TARBP2: variants seen among roughly 807,000 people sequenced by gnomAD.
TARBP2 encodes the protein RISC-loading complex subunit TARBP2.
Under a neutral mutation model 40.4 loss-of-function variants are expected in TARBP2, and 23 were observed. The observed-to-expected ratio is 0.57, with a 90% CI of 0.41 to 0.81. The LOEUF is 0.81. TARBP2 is among the 30% of genes least tolerant of loss of function. The probability of loss-of-function intolerance (pLI) is 0.00; values close to 1 mark genes in which losing one functional copy is unlikely to be tolerated. For synonymous variants in TARBP2, 183 were observed against 190.5 expected (o/e 0.96, Z 0.32); for missense variants, 358 against 473.7 (o/e 0.76, Z 2.27).
In TARBP2 at chr12:53,502,021, G is replaced by T. The variant is rs776121643; in HGVS notation, c.60G>T (p.Glu20Asp). The T allele has an allele frequency of 5.0e-6, 8 of 1,614,054 alleles. No homozygotes were observed. In the Admixed American group the frequency reaches 1.2e-4, roughly 24 times the overall value. Residue 20 changes from glutamate to aspartate, a missense_variant, in exon 2 of 9, where the codon GAG becomes GAT. Around this residue, in one of 3 missense-constraint regions of TARBP2, gnomAD observed 9 missense variants for 29.1 expected, o/e 0.31. Coordinates refer to ENST00000266987, the MANE Select transcript of TARBP2 (RefSeq NM_134323.2). ...TTTGCGLPSIEQMLAANPGKT... is the reference protein window; with the variant it reads ...TTTGCGLPSIDQMLAANPGKT... The stretch of plus-strand genomic sequence containing the variant: ...TCTGTGCCCCTTCCCCCAGTATAGA[G>T]CAAATGCTGGCCGCCAACCCAGGCA...
At position 53,502,142 on chromosome 12, in the gene TARBP2, A is replaced by T; in HGVS notation, c.181A>T (p.Asn61Tyr). Residue 61 changes from asparagine to tyrosine, a missense_variant, in exon 2 of 9, where the codon AAT becomes TAT. Asn to Tyr is a moderately radical substitution (Grantham distance 143). Around this residue, in one of 3 missense-constraint regions of TARBP2, gnomAD observed 317 missense variants for 422.9 expected, o/e 0.75. Transcript: ENST00000266987. Reference sequence around the variant, plus strand: ...AGCCGAGGGCCAAGCCCACCAGCCTAATTTCACCTTCCGGGTCACCGTTGG... The same window carrying T: ...AGCCGAGGGCCAAGCCCACCAGCCTTATTTCACCTTCCGGGTCACCGTTGG... The part of the protein sequence containing the change: ...LKAEGQAHQP[N>Y]FTFRVTVGDT... The T allele has an allele frequency of 6.2e-7, 1 of 1,614,174 alleles. No homozygotes were observed. Among genetic ancestry groups the T allele is most frequent in the Non-Finnish European group, 8.5e-7 (1 of 1,180,034 alleles).
rs950578148 is a variant in TARBP2, at chr12:53,505,416, G to A, written c.741+154G>A. Among the ~76,000 whole-genome samples, 4 of 152,144 alleles carry A rather than the reference G, an allele frequency of 2.6e-5. No individual in the cohort carries two copies. Among genetic ancestry groups the A allele is most frequent in the African/African-American group, 7.2e-5 (3 of 41,424 alleles). ...TACCAGACCCAGGGTTCCTGGGGCC[G>A]ACTCAGCCTTGACTGTAGGCCCGCT... On this transcript the variant is annotated intron_variant, in intron 7 of 8. Coordinates refer to ENST00000266987, the MANE Select transcript of TARBP2 (RefSeq NM_134323.2). This position sits in a 1 kb window ranked among gnomAD's most constrained non-coding sequence, Gnocchi z 4.5.
chr12:53,504,400 C>G lies in TARBP2; in HGVS notation c.426C>G (p.Ser142Arg), dbSNP rs1943863597. 1.3e-6 allele frequency: 2 copies of G among 1,553,518 alleles called. No individual in the cohort carries two copies. Among genetic ancestry groups the G allele is most frequent in the Non-Finnish European group, 1.7e-6 (2 of 1,156,574 alleles). ...GGCCCTGTGCCTTTTCCTTCAGGAG[C>G]CCCCCCATGGAACTGCAGCCCCCTG... is the stretch of plus-strand genomic sequence containing the variant. Reference protein sequence around the residue: ...TPVPSVVLTRSPPMELQPPVS... With the variant: ...TPVPSVVLTRRPPMELQPPVS... Residue 142 changes from serine (S) to arginine (R), a missense_variant, in exon 5 of 9, where the codon AGC (serine) becomes AGG (arginine). Physicochemically the swap from Ser to Arg is moderately radical, Grantham distance 110. This residue lies in a region of TARBP2 where 317 missense variants were observed against 422.9 expected (regional missense o/e 0.75). Transcript: ENST00000266987.
At chr12:53,503,985 G>T (rs902851929) in intron 4 of TARBP2, 177 bp downstream of exon 4, 24 of 615,598 alleles carry the variant, frequency 3.9e-5, no homozygotes, top group African/African-American at 3.9e-4. Context: ...TGGGACAAGA[G>T]GTCATTTGTG....
intron 6 of TARBP2, 116 bp downstream of exon 6, chr12:53,504,931 C>G: frequency 1.4e-6 from 2 of 1,443,884 alleles, no homozygotes; most frequent in Non-Finnish European, 1.9e-6. Context: ...CTTCACAGTC[C>G]CTAGCTCAGC....
At position 53,504,422 on chromosome 12, in the gene TARBP2, CCT is replaced by C. The variant is rs758159322; in HGVS notation, c.449_450del (p.Pro150ArgfsTer7). 12 of 1,609,652 alleles carry C rather than the reference CCT, an allele frequency of 7.5e-6. No homozygotes were observed. The highest frequency in any genetic ancestry group is 4.0e-5 in the African/African-American group (3 of 74,776). ...TRSPPMELQP[P>X]VSPQQSECNP... ...GAGCCCCCCCATGGAACTGCAGCCC[CCT>C]GTCTCCCCTCAGCAGTCTGAGTGCA... On this transcript the variant is annotated frameshift_variant, in exon 5 of 9. Transcript: ENST00000266987. LOFTEE classifies it high-confidence loss of function.
rs569814780 is a variant in TARBP2 at position 53,504,455 on chromosome 12, G to A, written c.481G>A (p.Val161Ile). The A allele has an allele frequency of 6.8e-6, 11 of 1,613,272 alleles. No homozygotes were observed. The highest frequency in any genetic ancestry group is 2.2e-5 in the East Asian group (1 of 44,856). ...CCCTCAGCAGTCTGAGTGCAACCCCGTTGGTGCTCTGCAGGTGTGTCCCAT... is the reference window on the plus strand; with the variant it reads ...CCCTCAGCAGTCTGAGTGCAACCCCATTGGTGCTCTGCAGGTGTGTCCCAT... ...VSPQQSECNP[V>I]GALQELVVQK... The change falls in exon 5 of 9, where the codon GTT (valine) becomes ATT (isoleucine). Residue 161 changes from valine to isoleucine, a missense_variant. By Grantham distance (29) the Val-to-Ile change is conservative. Coordinates refer to ENST00000266987, the MANE Select transcript of TARBP2 (RefSeq NM_134323.2).
chr12:53,503,239 C>G lies in TARBP2; in HGVS notation c.326+110C>G, dbSNP rs1320244974. ...TGACACTTAGCCACCCTGACCTGGCCTCTTCCTGAGAGTCCCTCTGGACCT... is the reference window on the plus strand; with the variant it reads ...TGACACTTAGCCACCCTGACCTGGCGTCTTCCTGAGAGTCCCTCTGGACCT... On this transcript the variant is annotated intron_variant, in intron 3 of 8. Transcript: ENST00000266987. The G allele has an allele frequency of 4.9e-6, 7 of 1,427,590 alleles. No homozygotes were observed. In the African/African-American group the frequency reaches 5.8e-5, roughly 12 times the overall value. The allele number at this position is 1,427,590 out of a possible 1,614,324, so 88.4% of individuals were successfully genotyped here. A position where few individuals can be genotyped will look rare whatever the true frequency, so the allele number is the denominator to read the frequency against.
chr12:53,502,286 G>A (rs1943748334), intron 2 of TARBP2, 102 bp downstream of exon 2: 1 of 1,416,320 alleles, frequency 7.1e-7, no homozygotes, highest in South Asian at 1.4e-5. Context: ...TCCAAGGCCA[G>A]TGAGGGAAGG....
intron 2 of TARBP2, 135 bp from the exon 3 acceptor site, chr12:53,502,892 A>C (rs1943782811): frequency 2.5e-6 from 2 of 790,024 alleles, no homozygotes; most frequent in African/African-American, 3.6e-5. Flanking sequence ...AAACACTTCC[A>C]GTCTTCAGCA....
chr12:53,504,009 C>T, intron 4 of TARBP2: 2 of 604,862 alleles, frequency 3.3e-6, no homozygotes, highest in Non-Finnish European at 2.9e-6. Flanking sequence ...TTCAGACAGC[C>T]TTATGAATGA....
At position 53,504,793 on chromosome 12, in the gene TARBP2, A is replaced by G; in HGVS notation, c.591A>G (p.Arg197=). 6.2e-7 allele frequency: 1 copy of G among 1,614,086 alleles called. No individual in the cohort carries two copies. Among genetic ancestry groups the G allele is most frequent in the Non-Finnish European group, 8.5e-7 (1 of 1,180,010 alleles). Reference sequence around the variant, plus strand: ...GCAAAGAATTCACCATGACCTGTCGAGTGGAGCGTTTCATTGAGATTGGTA... The same window carrying G: ...GCAAAGAATTCACCATGACCTGTCGGGTGGAGCGTTTCATTGAGATTGGTA... ...AHRKEFTMTC[R]VERFIEIGSG... Residue 197 remains arginine (R), a synonymous_variant, in exon 6 of 9, where the codon CGA becomes CGG. Coordinates refer to ENST00000266987, the MANE Select transcript of TARBP2 (RefSeq NM_134323.2).
intron 2 of TARBP2, 177 bp downstream of exon 2, chr12:53,502,361 A>G: frequency 1.2e-6 from 1 of 820,364 alleles, no homozygotes; most frequent in Non-Finnish European, 1.9e-6. Context: ...GGTGGGTAGG[A>G]CGTGGGAGAG....
intron 4 of TARBP2, 174 bp from the exon 5 acceptor site, chr12:53,504,223 A>G: frequency 1.6e-6 from 1 of 619,748 alleles, no homozygotes; most frequent in Non-Finnish European, 2.7e-6. Flanking sequence ...GGGAGGGGGA[A>G]GGAAGCCGGC....
rs1188001237 is a variant in TARBP2 at position 53,501,818 on chromosome 12, C to T, written c.54-197C>T. On this transcript the variant is annotated intron_variant, in intron 1 of 8. Transcript: ENST00000266987. ...ACTGAGGCAGGAGCAATGCATTCTT[C>T]CCCCCTTGCTTTGGGGTAGTGGGCC... The T allele has an allele frequency of 3.1e-4, 394 of 1,266,494 alleles. 2 individuals are homozygous for T. Among genetic ancestry groups the T allele is most frequent in the Non-Finnish European group, 4.0e-4 (385 of 970,598 alleles). The allele number at this position is 1,266,494 out of a possible 1,614,324, so 78.5% of individuals were successfully genotyped here. A position where few individuals can be genotyped will look rare whatever the true frequency, so the allele number is the denominator to read the frequency against.
chr12:53,503,430 C>G lies in TARBP2; in HGVS notation c.327-283C>G, dbSNP rs1943811435. The G allele has an allele frequency of 2.9e-5, 17 of 595,906 alleles. No homozygotes were observed. The South Asian group carries it at 3.9e-4, about 14-fold the overall frequency. The allele number at this position is 595,906 out of a possible 1,614,324, so 36.9% of individuals were successfully genotyped here. On this transcript the variant is annotated intron_variant, in intron 3 of 8. Transcript: ENST00000266987. ...TTACTCCCCAACATACCTCCTTGTT[C>G]TAGCAAGATGTCCTTCCTTCACGCG...
chr12:53,505,754 TCCCTGGGCTCCCTGGGTG>T lies in TARBP2; in HGVS notation c.856_873del (p.Ser286_Gly291del). The T allele has an allele frequency of 6.2e-7, 1 of 1,613,878 alleles. No individual in the cohort carries two copies. Among genetic ancestry groups the T allele is most frequent in the Non-Finnish European group, 8.5e-7 (1 of 1,179,874 alleles). On this transcript the variant is annotated inframe_deletion, in exon 8 of 9. Coordinates refer to ENST00000266987, the MANE Select transcript of TARBP2 (RefSeq NM_134323.2). The surrounding 1 kb of genome is among the most constrained non-coding windows in gnomAD (Gnocchi z 4.5). ...GAAGATCCTGTCCCTCCGCAGTTGC[TCCCTGGGCTCCCTGGGTG>T]CCCTGGGCCCTGCCTGCTGCCGTGT... is the stretch of plus-strand genomic sequence containing the variant.
At position 53,506,064 on chromosome 12, in the gene TARBP2, C is replaced by G. The variant is rs1393422620; in HGVS notation, c.1017C>G (p.Gly339=). 1 of 1,614,080 alleles carries G rather than the reference C, an allele frequency of 6.2e-7. No homozygotes were observed. The change falls in exon 9 of 9, where the codon GGC becomes GGG. Residue 339 remains glycine, a synonymous_variant. Coordinates refer to ENST00000266987, the MANE Select transcript of TARBP2 (RefSeq NM_134323.2). ...LSTQPATVCH[G]SATTREAARG... is the part of the protein sequence containing the mutation. Reference sequence around the variant, plus strand: ...CCCAGCCGGCCACTGTGTGTCATGGCTCTGCAACCACCAGGGAGGCAGCCC... The same window carrying G: ...CCCAGCCGGCCACTGTGTGTCATGGGTCTGCAACCACCAGGGAGGCAGCCC...
rs2137269261 is a variant in TARBP2, at chr12:53,505,049, G to T, written c.614-86G>T. On this transcript the variant is annotated intron_variant, in intron 6 of 8. Coordinates refer to ENST00000266987, the MANE Select transcript of TARBP2 (RefSeq NM_134323.2). The surrounding 1 kb of genome is among the most constrained non-coding windows in gnomAD (Gnocchi z 4.5). ...GTTCCCCTTTCCAGTTGACATTCTG[G>T]GGGGACCCTCAATCCAAGTATGACC... 3 of 1,533,762 alleles carry T rather than the reference G, an allele frequency of 2.0e-6. No individual in the cohort carries two copies. Among genetic ancestry groups the T allele is most frequent in the East Asian group, 4.5e-5 (2 of 43,982 alleles).
Sources: allele counts gnomAD v4.1 joint callset (sites outside exome capture counted in the v4.1 genomes callset), GRCh38; gene constraint gnomAD v4.1.1; regional missense constraint gnomAD v4.1.1; non-coding constraint Gnocchi (gnomAD v3.1); transcripts MANE v1.5; gene names NCBI Gene and HGNC (gene_info 2026-07-23, HGNC 2026-07-21).